KCTD1: variants seen among roughly 807,000 people sequenced by gnomAD.
KCTD1 encodes the protein BTB/POZ domain-containing protein KCTD1.
A neutral mutation model predicts 66.0 loss-of-function variants in KCTD1; 24 were observed. That is an observed-to-expected ratio of 0.36 (90% CI 0.26 to 0.51). The LOEUF (loss-of-function observed/expected upper bound fraction) is 0.51, where lower values mean the gene tolerates loss of function less well. KCTD1 is among the 20% of genes least tolerant of loss of function. KCTD1 has a pLI of 0.95. For missense variants in KCTD1, 943 were observed against 1,205.2 expected, an observed-to-expected ratio of 0.78 and a Z score of 3.22; for synonymous variants, 511 against 517.2, an observed-to-expected ratio of 0.99 and a Z score of 0.16.
At chr18:26,582,105 C>CAAAA (rs34695011) in intron 1 of KCTD1, among the ~76,000 whole-genome samples, 1 of 134,802 alleles carries the variant, frequency 7.4e-6, no homozygotes, top group Non-Finnish European at 1.6e-5. Context: ...CTGTCTCTAC[C>CAAAA]AAAAAAAAAA....
intron 1 of KCTD1, among the ~76,000 whole-genome samples, chr18:26,513,333 C>T (rs1415995325): frequency 2.0e-5 from 3 of 152,096 alleles, no homozygotes; most frequent in Non-Finnish European, 4.4e-5. Context: ...GTGATCTGCC[C>T]ACTTCGGCCT....
intron 1 of KCTD1, among the ~76,000 whole-genome samples, chr18:26,568,376 A>G (rs1986030259): frequency 1.3e-5 from 2 of 152,080 alleles, no homozygotes; most frequent in Non-Finnish European, 2.9e-5. Context: ...ACCTGGGACT[A>G]CAGGCACGCA....
intron 1 of KCTD1, among the ~76,000 whole-genome samples, chr18:26,616,156 TCTTC>T: frequency 9.8e-6 from 1 of 101,538 alleles, no homozygotes; most frequent in South Asian, 3.2e-4. Flanking sequence ...TTTTTTTTTT[TCTTC>T]TCTTTTTATT....
intron 1 of KCTD1, 80 bp downstream of exon 1, chr18:26,546,648 C>A: frequency 6.9e-7 from 1 of 1,441,162 alleles, no homozygotes; most frequent in Middle Eastern, 1.9e-4. Flanking sequence ...TTCCCCCCTA[C>A]CCAGAGCTGC....
chr18:26,483,660 T>C (rs1210280559), intron 2 of KCTD1, among the ~76,000 whole-genome samples: 4 of 152,228 alleles, frequency 2.6e-5, no homozygotes, highest in Non-Finnish European at 4.4e-5. Flanking sequence ...CAACCAACTT[T>C]TTTTCCTAAT....
chr18:26,637,689 T>C (rs1214124134), intron 1 of KCTD1, among the ~76,000 whole-genome samples: 1 of 152,196 alleles, frequency 6.6e-6, no homozygotes, highest in Non-Finnish European at 1.5e-5. Context: ...TCTCTGTGAG[T>C]TGATTCAGCG....
At chr18:26,616,003 C>G (rs1987242445) in intron 1 of KCTD1, among the ~76,000 whole-genome samples, 1 of 152,098 alleles carries the variant, frequency 6.6e-6, no homozygotes, top group South Asian at 2.1e-4. Context: ...GTTGGCCAGG[C>G]TGGTCTTGAA....
At chr18:26,550,224 T>A (rs1387902025), upstream of KCTD1, among the ~76,000 whole-genome samples, 1 of 152,166 alleles carries the variant, frequency 6.6e-6, no homozygotes, top group Admixed American at 6.5e-5. The surrounding 1 kb of genome is among the most constrained non-coding windows in gnomAD (Gnocchi z 5.4). Flanking sequence ...TTCTCGGCAG[T>A]TAGGCTGTGA....
At chr18:26,583,220 C>T (rs1268062089) in intron 1 of KCTD1, among the ~76,000 whole-genome samples, 3 of 151,464 alleles carry the variant, frequency 2.0e-5, no homozygotes, top group African/African-American at 7.3e-5. Context: ...ATGGTGAAAC[C>T]CTGTCTCTAC....
Position 26,506,375 on chromosome 18 carries a change from C to T in KCTD1, c.1810-5125G>A, listed in dbSNP as rs770588316. ...GGCAGCTGATGGAGAGGACATTTAA[C>T]CCAGGGTTGGGGGCTGGGAAGGATG... On this transcript the variant is annotated intron_variant, in intron 1 of 4. Coordinates refer to ENST00000580059, the MANE Select transcript of KCTD1 (RefSeq NM_001142730.3). Among the ~76,000 whole-genome samples the T allele has an allele frequency of 3.9e-5, 6 of 152,216 alleles. No individual in the cohort carries two copies. The East Asian group carries it at 7.7e-4, about 20-fold the overall frequency.
At chr18:26,633,659 A>G (rs1479813755), upstream of KCTD1, among the ~76,000 whole-genome samples, 4 of 152,238 alleles carry the variant, frequency 2.6e-5, no homozygotes, top group Non-Finnish European at 5.9e-5. Flanking sequence ...AAGAGATTTT[A>G]TAATTTGTCA....
At chr18:26,463,194 A>C (rs1404985706) in intron 3 of KCTD1, among the ~76,000 whole-genome samples, 1 of 152,150 alleles carries the variant, frequency 6.6e-6, no homozygotes, top group Non-Finnish European at 1.5e-5. Context: ...AGTGGCTCAC[A>C]CCTGTAATTC....
intron 2 of KCTD1, among the ~76,000 whole-genome samples, chr18:26,495,908 C>T: frequency 6.6e-6 from 1 of 152,092 alleles, no homozygotes; most frequent in African/African-American, 2.4e-5. Context: ...AATACAGCTG[C>T]TATTAAGATT....
chr18:26,593,862 A>AAGGACAAGGAGGGAGGAGGAAG, intron 1 of KCTD1, among the ~76,000 whole-genome samples: 1 of 128,028 alleles, frequency 7.8e-6, no homozygotes, highest in Non-Finnish European at 1.7e-5. Flanking sequence ...GGAAGAGGAG[A>AAGGACAAGGAGGGAGGAGGAAG]ACAAGGAGGA....
intron 1 of KCTD1, chr18:26,599,598 C>A: frequency 1.3e-6 from 2 of 1,495,574 alleles, no homozygotes; most frequent in Non-Finnish European, 9.3e-7. Context: ...ATTATTTTGT[C>A]GGGTTTAGTC....
chr18:26,611,634 A>G (rs1987141093), intron 1 of KCTD1, among the ~76,000 whole-genome samples: 1 of 152,202 alleles, frequency 6.6e-6, no homozygotes. Context: ...TACAAGGGTG[A>G]GCCACCATGC....
upstream of KCTD1, among the ~76,000 whole-genome samples, chr18:26,631,085 TC>T (rs769909333): frequency 3.9e-5 from 6 of 152,230 alleles, no homozygotes; most frequent in Non-Finnish European, 7.3e-5. Flanking sequence ...TACCAAAATC[TC>T]CTTTGTGAAA....
chr18:26,522,616 A>G (rs1983967460), intron 1 of KCTD1, among the ~76,000 whole-genome samples: 1 of 152,098 alleles, frequency 6.6e-6, no homozygotes, highest in South Asian at 2.1e-4. Context: ...ACCAACTGTA[A>G]CTTTCTCAGG....
chr18:26,643,375 G>A (rs1337406554), upstream of KCTD1, among the ~76,000 whole-genome samples: 4 of 152,266 alleles, frequency 2.6e-5, no homozygotes, highest in East Asian at 7.7e-4. Context: ...ATGAAATTCG[G>A]GGGTACACAA....
Sources: gnomAD v4.1 joint callset for allele counts (sites outside exome capture counted in the v4.1 genomes callset) on GRCh38, gnomAD v4.1.1 for gene constraint, Gnocchi (gnomAD v3.1) non-coding constraint, MANE v1.5 for transcripts, NCBI Gene and HGNC (gene_info 2026-07-23, HGNC 2026-07-21) for gene names.